The following PLCXD2 variants were observed in gnomAD, a reference collection of about 807,000 sequenced individuals.
The protein encoded by PLCXD2 is PI-PLC X domain-containing protein 2.
Under a neutral mutation model 28.6 loss-of-function variants are expected in PLCXD2, and 21 were observed. The observed-to-expected ratio is 0.73, with a 90% CI of 0.52 to 1.06. The LOEUF is 1.06. Among genes scored for constraint, PLCXD2 ranks in the 50% least tolerant of loss-of-function variants. The pLI, the probability that PLCXD2 is intolerant of heterozygous loss-of-function variation, is 0.00. For missense variants in PLCXD2, 369 were observed against 376.7 expected (o/e 0.98, Z 0.17); for synonymous variants, 140 against 150.1 (o/e 0.93, Z 0.49).
Position 111,708,085 on chromosome 3 carries a change from C to G in PLCXD2, c.323C>G (p.Ala108Gly). 6.2e-7 allele frequency: 1 copy of G among 1,614,228 alleles called. No homozygotes were observed. Residue 108 changes from alanine (A) to glycine (G), a missense_variant, in exon 2 of 5, where the codon GCT (alanine) becomes GGT (glycine). Ala to Gly is a moderately conservative substitution (Grantham distance 60). Transcript: ENST00000477665. ...CTGACATTTCGAGAACAGCTGGAAG[C>G]TGGGATCCGCTACTTTGACCTGCGT...
intron 1 of PLCXD2, among the ~76,000 whole-genome samples, chr3:111,703,908 G>T (rs970376796): frequency 3.3e-5 from 5 of 152,130 alleles, no homozygotes; most frequent in Admixed American, 2.6e-4. Flanking sequence ...GCCTAAGGAT[G>T]AATAAATAGG....
At chr3:111,682,330 A>G (rs949540081) in intron 1 of PLCXD2, among the ~76,000 whole-genome samples, 4 of 152,206 alleles carry the variant, frequency 2.6e-5, no homozygotes, top group Non-Finnish European at 5.9e-5. Flanking sequence ...AGGTTATATC[A>G]TCTATGAAAC....
At chr3:111,684,917 T>A (rs1279749559) in intron 1 of PLCXD2, among the ~76,000 whole-genome samples, 1 of 151,980 alleles carries the variant, frequency 6.6e-6, no homozygotes, top group Non-Finnish European at 1.5e-5. Context: ...GACTTGGCGA[T>A]TAATTGGAGG....
At chr3:111,706,452 T>G (rs1206791786) in intron 1 of PLCXD2, among the ~76,000 whole-genome samples, 1 of 152,214 alleles carries the variant, frequency 6.6e-6, no homozygotes, top group African/African-American at 2.4e-5. Flanking sequence ...CCTAGACCAA[T>G]GTCTTGAAGC....
chr3:111,709,265 GC>G (rs1941166478), intron 2 of PLCXD2, among the ~76,000 whole-genome samples: 1 of 152,114 alleles, frequency 6.6e-6, no homozygotes. Flanking sequence ...CCAGGTACAT[GC>G]CAAGTAACCT....
rs1468750051 is a variant in PLCXD2, at chr3:111,674,839, G to A, written c.-407G>A. ...AAACATAAATCAGGCTAGAGCCGGCGCGCCCGGGCGCGCACCTGTGTATGG... is the reference window on the plus strand; with the variant it reads ...AAACATAAATCAGGCTAGAGCCGGCACGCCCGGGCGCGCACCTGTGTATGG... On this transcript the variant is annotated 5_prime_UTR_variant, in exon 1 of 5. Transcript: ENST00000477665. 1 of 163,820 alleles carries A rather than the reference G, an allele frequency of 6.1e-6. No homozygotes were observed. Among genetic ancestry groups the A allele is most frequent in the Non-Finnish European group, 1.3e-5 (1 of 75,902 alleles). The allele number at this position is 163,820 out of a possible 1,614,324, so 10.1% of individuals were successfully genotyped here.
intron 1 of PLCXD2, among the ~76,000 whole-genome samples, chr3:111,685,719 A>G (rs775742370): frequency 9.9e-5 from 15 of 152,224 alleles, no homozygotes; most frequent in Non-Finnish European, 2.1e-4. Context: ...GCAAGGGGTT[A>G]CTTCACAAAA....
intron 1 of PLCXD2, among the ~76,000 whole-genome samples, chr3:111,701,461 A>C (rs1319595738): frequency 6.6e-6 from 1 of 152,164 alleles, no homozygotes; most frequent in Admixed American, 6.5e-5. Flanking sequence ...TTTCCAGGCT[A>C]TAAGTAGGGG....
At chr3:111,687,440 C>A (rs1247344627) in intron 1 of PLCXD2, among the ~76,000 whole-genome samples, 1 of 152,138 alleles carries the variant, frequency 6.6e-6, no homozygotes, top group African/African-American at 2.4e-5. Flanking sequence ...TATTCAATGA[C>A]CATAAGGCGT....
chr3:111,723,242 T>G (rs1941370500), intron 3 of PLCXD2: 1 of 152,246 alleles, frequency 6.6e-6, no homozygotes, highest in African/African-American at 2.4e-5. Flanking sequence ...TATTTGAGCC[T>G]CGGCTTTGTC....
At chr3:111,705,530 A>C (rs1335064445) in intron 1 of PLCXD2, among the ~76,000 whole-genome samples, 1 of 152,144 alleles carries the variant, frequency 6.6e-6, no homozygotes, top group African/African-American at 2.4e-5. Context: ...ATACCTATTA[A>C]TGGGGTTGCT....
chr3:111,693,498 A>G (rs1021371989), intron 1 of PLCXD2, among the ~76,000 whole-genome samples: 3 of 152,202 alleles, frequency 2.0e-5, no homozygotes, highest in African/African-American at 7.2e-5. Flanking sequence ...CATCCTTGCA[A>G]GTCACCTATT....
rs757343471 is a variant in PLCXD2 at position 111,714,147 on chromosome 3, C to T, written c.866+19C>T. 1 of 1,607,450 alleles carries T rather than the reference C, an allele frequency of 6.2e-7. No homozygotes were observed. Among genetic ancestry groups the T allele is most frequent in the South Asian group, 1.1e-5 (1 of 90,386 alleles). ...TTCATAGGTAAGAATTTGCTTCCAC[C>T]CCACAAGGAAAGCTTTTTAAAAAAT... On this transcript the variant is annotated intron_variant, in intron 3 of 4. Transcript: ENST00000477665.
intron 1 of PLCXD2, among the ~76,000 whole-genome samples, chr3:111,698,542 T>G (rs921245925): frequency 6.6e-6 from 1 of 152,222 alleles, no homozygotes; most frequent in African/African-American, 2.4e-5. Context: ...GAAAAATGAT[T>G]TGTTGGTAGT....
At chr3:111,687,668 TTTTC>T (rs1205992735) in intron 1 of PLCXD2, among the ~76,000 whole-genome samples, 3 of 148,626 alleles carry the variant, frequency 2.0e-5, no homozygotes, top group Non-Finnish European at 3.0e-5. Flanking sequence ...TTTATGGGTT[TTTTC>T]TTTCTTTCTT....
chr3:111,701,600 A>G (rs1411864844), intron 1 of PLCXD2, among the ~76,000 whole-genome samples: 3 of 152,200 alleles, frequency 2.0e-5, no homozygotes, highest in African/African-American at 7.2e-5. Context: ...TCAAAGCTGT[A>G]TCTTAAGAAA....
intron 1 of PLCXD2, among the ~76,000 whole-genome samples, 162 bp from the exon 2 acceptor site, chr3:111,707,764 A>G (rs1020951279): frequency 1.3e-5 from 2 of 152,124 alleles, no homozygotes; most frequent in Admixed American, 6.5e-5. Context: ...CTTTGTGTTT[A>G]TTTTATTCCT....
intron 1 of PLCXD2, among the ~76,000 whole-genome samples, chr3:111,681,863 C>A (rs1940720593): frequency 6.6e-6 from 1 of 152,192 alleles, no homozygotes; most frequent in African/African-American, 2.4e-5. Flanking sequence ...TCTCCTGCCT[C>A]TAGGAACTTA....
intron 1 of PLCXD2, 69 bp downstream of exon 1, chr3:111,675,477 G>A: frequency 6.4e-7 from 1 of 1,573,992 alleles, no homozygotes; most frequent in Non-Finnish European, 8.7e-7. Context: ...AAGGGGTTGG[G>A]TTGCTTTTCT....
Sources: allele counts gnomAD v4.1 joint callset (sites outside exome capture counted in the v4.1 genomes callset), GRCh38; gene constraint gnomAD v4.1.1; transcripts MANE v1.5; gene names NCBI Gene and HGNC (gene_info 2026-07-23, HGNC 2026-07-21).